Variants in MYCT1 observed in about 807,000 individuals in gnomAD.
MYCT1 encodes myc target protein 1.
A neutral mutation model predicts 15.0 loss-of-function variants in MYCT1; 12 were observed. That is an observed-to-expected ratio of 0.80 (90% confidence interval 0.51 to 1.29). The LOEUF is 1.29. Ranked by LOEUF, MYCT1 falls within the 50% of genes most tolerant of loss-of-function variation. The pLI, the probability that MYCT1 is intolerant of heterozygous loss-of-function variation, is 0.00. For synonymous variants in MYCT1, 104 were observed against 102.7 expected (o/e 1.01, Z -0.07); for missense variants, 287 against 279.1 (o/e 1.03, Z -0.20).
At chr6:152,742,104 G>A in the MYCT1 span, among the ~76,000 whole-genome samples, 1 of 152,170 alleles carries the variant, frequency 6.6e-6, no homozygotes, top group African/African-American at 2.4e-5. Flanking sequence ...ACATGCTTTT[G>A]CATGCTAAAA....
chr6:152,706,969 C>T (rs972260252), intron 1 of MYCT1, among the ~76,000 whole-genome samples: 2 of 151,946 alleles, frequency 1.3e-5, no homozygotes, highest in African/African-American at 4.8e-5. Context: ...CTGCAATGAA[C>T]ATGGAAGTGC....
chr6:152,742,201 A>G, the MYCT1 span, among the ~76,000 whole-genome samples: 1 of 152,194 alleles, frequency 6.6e-6, no homozygotes, highest in Non-Finnish European at 1.5e-5. Flanking sequence ...ACGGGGTTAA[A>G]CAAGGGCCCA....
In MYCT1 at chr6:152,697,990, G is replaced by A. The variant is rs201979543; in HGVS notation, c.88G>A (p.Asp30Asn). Residue 30 changes from aspartate to asparagine, a missense_variant, in exon 1 of 2, where the codon GAC (aspartate) becomes AAC (asparagine). Physicochemically the swap from Asp to Asn is conservative, Grantham distance 23. Coordinates refer to ENST00000367245, the MANE Select transcript of MYCT1 (RefSeq NM_025107.3). ...AGATAGAATCAAACTGCTTTTTTTC[G>A]ACATACTGGTTTTTCTTTCTGTTTT... is the stretch of plus-strand genomic sequence containing the variant. ...QRDRIKLLFF[D>N]ILVFLSVFLL... 51 of 1,607,040 alleles carry A rather than the reference G, an allele frequency of 3.2e-5. No individual in the cohort carries two copies. The highest frequency in any genetic ancestry group is 3.3e-4 in the Middle Eastern group (2 of 6,044).
chr6:152,744,138 G>A, the MYCT1 span, among the ~76,000 whole-genome samples: 2 of 132,622 alleles, frequency 1.5e-5, no homozygotes, highest in Non-Finnish European at 3.6e-5. Context: ...TGTCAGCAAT[G>A]GATCCAGCTT....
intron 1 of MYCT1, among the ~76,000 whole-genome samples, chr6:152,706,902 C>T (rs186004881): frequency 1.0e-3 from 153 of 148,684 alleles, no homozygotes; most frequent in Non-Finnish European, 4.9e-4. Context: ...CATATTTATC[C>T]ATTCATCTGA....
the MYCT1 span, among the ~76,000 whole-genome samples, chr6:152,729,795 G>T: frequency 6.6e-6 from 1 of 152,166 alleles, no homozygotes; most frequent in African/African-American, 2.4e-5. Context: ...AGACCAAAAG[G>T]GTCTGAGGGA....
chr6:152,719,812 A>G (rs2099724364), intron 1 of MYCT1, among the ~76,000 whole-genome samples: 1 of 152,208 alleles, frequency 6.6e-6, no homozygotes, highest in East Asian at 1.9e-4. Context: ...TATGCTAAAA[A>G]GAACCTTGGC....
intron 1 of MYCT1, among the ~76,000 whole-genome samples, chr6:152,703,719 C>T: frequency 6.6e-6 from 1 of 152,018 alleles, no homozygotes; most frequent in East Asian, 1.9e-4. Context: ...ACTTGAGTAA[C>T]CCAAAGCCCA....
intron 1 of MYCT1, among the ~76,000 whole-genome samples, chr6:152,703,716 T>C (rs9397549): frequency 0.072 from 10,875 of 152,054 alleles, 624 homozygotes; most frequent in East Asian, 0.17. Context: ...CACACTTGAG[T>C]AACCCAAAGC....
intron 1 of MYCT1, among the ~76,000 whole-genome samples, chr6:152,703,754 A>G (rs1009811570): frequency 6.6e-6 from 1 of 152,062 alleles, no homozygotes; most frequent in Non-Finnish European, 1.5e-5. Context: ...TCACTGGCCC[A>G]AAAAGTTTCC....
the MYCT1 span, among the ~76,000 whole-genome samples, chr6:152,741,678 T>C: frequency 6.6e-6 from 1 of 152,184 alleles, no homozygotes; most frequent in Admixed American, 6.5e-5. Flanking sequence ...AAATATTCCC[T>C]TTTCTGTTGT....
At chr6:152,743,192 T>C in the MYCT1 span, among the ~76,000 whole-genome samples, 10 of 152,114 alleles carry the variant, frequency 6.6e-5, no homozygotes, top group African/African-American at 2.2e-4. Flanking sequence ...CAGCCTCCCA[T>C]GTAGCTGGGA....
At chr6:152,719,837 A>T (rs2099724369) in intron 1 of MYCT1, among the ~76,000 whole-genome samples, 2 of 152,128 alleles carry the variant, frequency 1.3e-5, no homozygotes, top group Non-Finnish European at 2.9e-5. Context: ...ATAAAATCTA[A>T]CTCCTTTATA....
chr6:152,704,178 T>C (rs1317046372), intron 1 of MYCT1, among the ~76,000 whole-genome samples: 1 of 151,764 alleles, frequency 6.6e-6, no homozygotes, highest in African/African-American at 2.4e-5. Flanking sequence ...TTTCTTTTTG[T>C]ATTTGTAGAG....
In MYCT1 at chr6:152,722,631, G is replaced by GA. The variant is rs919525869; in HGVS notation, c.*386dup. 22 of 238,974 alleles carry GA rather than the reference G, an allele frequency of 9.2e-5. No homozygotes were observed. Among genetic ancestry groups the GA allele is most frequent in the African/African-American group, 3.0e-4 (13 of 43,856 alleles). 14.8% of individuals were successfully genotyped at this position (238,974 alleles called of 1,614,324 possible). Reference sequence around the variant, plus strand: ...TTTACTTCCAATGTGACTAAAAAGAGAAAAAAAATCACTGTGTCACTTTAA... The same window carrying GA: ...TTTACTTCCAATGTGACTAAAAAGAGAAAAAAAAATCACTGTGTCACTTTAA... On this transcript the variant is annotated 3_prime_UTR_variant, in exon 2 of 2. Coordinates refer to ENST00000367245, the MANE Select transcript of MYCT1 (RefSeq NM_025107.3).
intron 1 of MYCT1, among the ~76,000 whole-genome samples, chr6:152,706,847 ATGTGTGTGTG>A (rs4034690): frequency 6.7e-6 from 1 of 148,196 alleles, no homozygotes; most frequent in African/African-American, 2.5e-5. Context: ...GAAACCATAT[ATGTGTGTGTG>A]TGTGTGTGTG....
chr6:152,718,852 C>T (rs1583975019), intron 1 of MYCT1, among the ~76,000 whole-genome samples: 1 of 151,882 alleles, frequency 6.6e-6, no homozygotes, highest in Admixed American at 6.6e-5. Context: ...ATTATGCCTG[C>T]TTATATACTG....
Position 152,720,195 on chromosome 6 carries a change from C to T in MYCT1, c.197-1547C>T, listed in dbSNP as rs1035771503. On this transcript the variant is annotated intron_variant, in intron 1 of 1. Coordinates refer to ENST00000367245, the MANE Select transcript of MYCT1 (RefSeq NM_025107.3). The stretch of plus-strand genomic sequence containing the variant: ...AGGGGTTCCTGGGCCATGTGTCTCT[C>T]ATCATCTGGCAGGCTAGTCTGGCCT... Among the ~76,000 whole-genome samples, 10 of 151,988 alleles carry T rather than the reference C, an allele frequency of 6.6e-5. No individual in the cohort carries two copies. The South Asian group carries it at 1.0e-3, about 16-fold the overall frequency.
At chr6:152,706,529 C>T (rs1036333783) in intron 1 of MYCT1, among the ~76,000 whole-genome samples, 1 of 152,006 alleles carries the variant, frequency 6.6e-6, no homozygotes, top group Non-Finnish European at 1.5e-5. Context: ...TGAGAATAAT[C>T]GTGTACAAAG....
Sources: allele counts gnomAD v4.1 joint callset (sites outside exome capture counted in the v4.1 genomes callset), GRCh38; gene constraint gnomAD v4.1.1; transcripts MANE v1.5; gene names NCBI Gene and HGNC (gene_info 2026-07-23, HGNC 2026-07-21).